USP40: variants seen among roughly 807,000 people sequenced by gnomAD.
USP40 encodes ubiquitin carboxyl-terminal hydrolase 40.
Under a neutral mutation model 166.2 loss-of-function variants are expected in USP40, and 143 were observed. The observed-to-expected ratio is 0.86, with a 90% CI of 0.75 to 0.99. The LOEUF (loss-of-function observed/expected upper bound fraction) is 0.99, where lower values mean the gene tolerates loss of function less well. Among genes scored for constraint, USP40 ranks in the 50% least tolerant of loss-of-function variants. The pLI, the probability that USP40 is intolerant of heterozygous loss-of-function variation, is 0.00. For synonymous variants in USP40, 498 were observed against 524.0 expected (o/e 0.95, Z 0.68); for missense variants, 1,444 against 1,479.7 (o/e 0.98, Z 0.40).
chr2:233,562,496 G>A (rs1439649831), intron 3 of USP40, among the ~76,000 whole-genome samples: 43 of 147,160 alleles, frequency 2.9e-4, no homozygotes, highest in African/African-American at 7.8e-4. Context: ...ATTCTCACTC[G>A]TAGGTGGGAA....
intron 6 of USP40, among the ~76,000 whole-genome samples, chr2:233,552,415 CATAGA>C (rs1369712172): frequency 6.6e-6 from 1 of 152,010 alleles, no homozygotes; most frequent in Non-Finnish European, 1.5e-5. Flanking sequence ...AAATCCAATG[CATAGA>C]ATAGAATATA....
At chr2:233,504,065 G>T (rs931572815) in intron 21 of USP40, among the ~76,000 whole-genome samples, 3 of 152,014 alleles carry the variant, frequency 2.0e-5, no homozygotes, top group Admixed American at 6.6e-5. Flanking sequence ...ATGACCAAAG[G>T]TGAGTTGGAT....
At position 233,476,321 on chromosome 2, in the gene USP40, T is replaced by C. The variant is rs923191992; in HGVS notation, c.*1071A>G. 2 of 152,394 alleles carry C rather than the reference T, an allele frequency of 1.3e-5. No homozygotes were observed. The highest frequency in any genetic ancestry group is 2.9e-5 in the Non-Finnish European group (2 of 68,046). 9.4% of individuals were successfully genotyped at this position (152,394 alleles called of 1,614,324 possible). On this transcript the variant is annotated 3_prime_UTR_variant, in exon 32 of 32. Transcript: ENST00000678225. The stretch of plus-strand genomic sequence containing the variant: ...AGGACATGCGACACCGTCTTCGGGA[T>C]GCTGCTTTCCGCTAAGCTGCTGTCT...
chr2:233,566,161 G>C (rs1559294549), intron 1 of USP40, among the ~76,000 whole-genome samples: 1 of 151,912 alleles, frequency 6.6e-6, no homozygotes, highest in African/African-American at 2.4e-5. Context: ...TGGGGAGGGA[G>C]GGGGGAAGGG....
At chr2:233,498,448 A>G (rs2065871151) in intron 23 of USP40, 100 bp downstream of exon 23, 1 of 1,041,018 alleles carries the variant, frequency 9.6e-7, no homozygotes. Context: ...TATCCTATAG[A>G]AAGTAATTAA....
chr2:233,552,352 A>G (rs114930099), intron 6 of USP40, among the ~76,000 whole-genome samples: 204 of 152,304 alleles, frequency 1.3e-3, no homozygotes, highest in African/African-American at 4.8e-3. Flanking sequence ...GCTTAGGACA[A>G]GAAAATCTGC....
chr2:233,492,439 C>A (rs946030963), intron 25 of USP40, among the ~76,000 whole-genome samples: 2 of 152,122 alleles, frequency 1.3e-5, no homozygotes, highest in East Asian at 1.9e-4. Flanking sequence ...AAAAAAAGAA[C>A]CTTTTATTTA....
rs928819571 is a variant in USP40 at position 233,486,692 on chromosome 2, A to G, written c.3198-715T>C. 2.6e-5 allele frequency among the ~76,000 whole-genome samples: 4 copies of G among 152,214 alleles called. No homozygotes were observed. The highest frequency in any genetic ancestry group is 2.6e-4 in the Admixed American group (4 of 15,288). On this transcript the variant is annotated intron_variant, in intron 28 of 31. Coordinates refer to ENST00000678225, the MANE Select transcript of USP40 (RefSeq NM_001365479.2). This position sits in a 1 kb window ranked among gnomAD's most constrained non-coding sequence, Gnocchi z 4.0. Reference sequence around the variant, plus strand: ...CTTCTATTAAGTGTTTTTACCATCAAAAGAGGTCACGCAATGAGAAATGAA... The same window carrying G: ...CTTCTATTAAGTGTTTTTACCATCAGAAGAGGTCACGCAATGAGAAATGAA...
chr2:233,510,466 G>A (rs1347853428), intron 20 of USP40, among the ~76,000 whole-genome samples: 2 of 141,194 alleles, frequency 1.4e-5, no homozygotes, highest in African/African-American at 2.7e-5. Flanking sequence ...GCAGTGGAGC[G>A]ATCTTGGCTC....
chr2:233,527,425 G>A lies in USP40; in HGVS notation c.1707C>T (p.Leu569=), dbSNP rs1369924519. ...TFDKRKTLGD[L]RQSIFQLLEF... is the part of the protein sequence containing the mutation. ...ATATTACCTGAAATATTGACTGCCG[G>A]AGATCTCCTAAAGTTTTTCTTTTAT... Residue 569 remains leucine, a synonymous_variant, in exon 13 of 32, where the codon CTC becomes CTT. Transcript: ENST00000678225. 6.2e-7 allele frequency: 1 copy of A among 1,612,780 alleles called. No homozygotes were observed. The highest frequency in any genetic ancestry group is 8.5e-7 in the Non-Finnish European group (1 of 1,179,688).
At chr2:233,551,271 C>T (rs2070526854) in intron 7 of USP40, 105 bp downstream of exon 7, 1 of 1,246,166 alleles carries the variant, frequency 8.0e-7, no homozygotes, top group Non-Finnish European at 1.1e-6. Context: ...GTCAATGGTG[C>T]CAAGGTTTAG....
At chr2:233,489,731 T>C (rs2125061442) in intron 26 of USP40, 1 of 398,384 alleles carries the variant, frequency 2.5e-6, no homozygotes, top group Non-Finnish European at 4.5e-6. Flanking sequence ...TCTCTCTAAA[T>C]CTGAGTCAAA....
chr2:233,487,443 T>A (rs1282543349), intron 28 of USP40, among the ~76,000 whole-genome samples: 3 of 152,364 alleles, frequency 2.0e-5, no homozygotes, highest in Middle Eastern at 3.4e-3. Context: ...CATTTGATCC[T>A]GGAATTCCCC....
chr2:233,546,889 C>G (rs1434867444), intron 8 of USP40: 1 of 152,100 alleles, frequency 6.6e-6, no homozygotes, highest in Non-Finnish European at 1.5e-5. Context: ...TAAGGATTGG[C>G]TCAAATTAAA....
At chr2:233,529,407 A>T in intron 12 of USP40, 24 bp downstream of exon 12, 1 of 1,542,864 alleles carries the variant, frequency 6.5e-7, no homozygotes, top group Non-Finnish European at 8.8e-7. Flanking sequence ...TACTAGTCAA[A>T]CTCTAAAAGC....
chr2:233,502,020 A>G (rs2066104109), intron 21 of USP40, among the ~76,000 whole-genome samples: 1 of 152,218 alleles, frequency 6.6e-6, no homozygotes, highest in African/African-American at 2.4e-5. Flanking sequence ...TAGAGTCATC[A>G]GGTACATCGA....
chr2:233,532,914 G>GT (rs1472609797), intron 11 of USP40, among the ~76,000 whole-genome samples: 1 of 152,090 alleles, frequency 6.6e-6, no homozygotes, highest in East Asian at 1.9e-4. Flanking sequence ...GGACGAGAGA[G>GT]TGAGGCTGCA....
intron 21 of USP40, among the ~76,000 whole-genome samples, chr2:233,507,655 A>G (rs1462158628): frequency 6.6e-6 from 1 of 151,268 alleles, no homozygotes; most frequent in Non-Finnish European, 1.5e-5. Flanking sequence ...GTAGAAGCAG[A>G]GAGTAAAACA....
chr2:233,538,922 A>C (rs1019155542), intron 10 of USP40, among the ~76,000 whole-genome samples: 1 of 152,188 alleles, frequency 6.6e-6, no homozygotes, highest in Non-Finnish European at 1.5e-5. Flanking sequence ...GCAACTACTC[A>C]GGAGGTTGAG....
Sources: gnomAD v4.1 joint callset for allele counts (sites outside exome capture counted in the v4.1 genomes callset) on GRCh38, gnomAD v4.1.1 for gene constraint, Gnocchi (gnomAD v3.1) non-coding constraint, MANE v1.5 for transcripts, NCBI Gene and HGNC (gene_info 2026-07-23, HGNC 2026-07-21) for gene names.